The following CYSLTR1 variants were observed in gnomAD, a reference collection of about 807,000 sequenced individuals.
CYSLTR1 encodes the protein G-protein coupled receptor HG55.
A neutral mutation model predicts 2.1 loss-of-function variants in CYSLTR1; 1 was observed. The ratio of observed to expected loss-of-function variants is 0.48; its 90% CI spans 0.17 to 2.28. The LOEUF (loss-of-function observed/expected upper bound fraction) is 2.28. CYSLTR1 is among the 30% of genes most tolerant of loss of function. The pLI, the probability that CYSLTR1 is intolerant of heterozygous loss-of-function variation, is 0.26. For synonymous variants in CYSLTR1, 110 were observed against 89.6 expected (o/e 1.23, Z -1.28); for missense variants, 299 against 250.1 (o/e 1.20, Z -1.32).
At chrX:78,274,041 C>A (rs1010331318) in intron 2 of CYSLTR1, among the ~76,000 whole-genome samples, 1 of 111,089 alleles carries the variant, frequency 9.0e-6, no homozygotes, top group Non-Finnish European at 1.9e-5. Flanking sequence ...GGTGAAACAG[C>A]CCTCCTGTAT....
At chrX:78,315,452 C>T (rs1923379580) in intron 1 of CYSLTR1, among the ~76,000 whole-genome samples, 5 of 111,172 alleles carry the variant, frequency 4.5e-5, no homozygotes, top group Admixed American at 1.9e-4. Flanking sequence ...CAAATGACCT[C>T]GCAGGGTCCT....
intron 1 of CYSLTR1, among the ~76,000 whole-genome samples, chrX:78,295,833 C>T (rs1880359261): frequency 9.0e-6 from 1 of 110,875 alleles, no homozygotes; most frequent in South Asian, 3.8e-4. Context: ...ATATTTTCTC[C>T]CAATCTGTGG....
At chrX:78,320,632 T>C (rs1330776674) in intron 1 of CYSLTR1, 1 of 111,893 alleles carries the variant, frequency 8.9e-6, no homozygotes, top group Non-Finnish European at 1.9e-5. Flanking sequence ...AAGTAGTTGT[T>C]TCCAATTCTG....
intron 2 of CYSLTR1, among the ~76,000 whole-genome samples, chrX:78,274,383 A>C (rs1231739053): frequency 9.0e-6 from 1 of 111,278 alleles, no homozygotes; most frequent in Non-Finnish European, 1.9e-5. Flanking sequence ...AAACAGAGAT[A>C]TAGACCAATG....
At chrX:78,296,540 C>G (rs1206458271) in intron 1 of CYSLTR1, among the ~76,000 whole-genome samples, 1 of 111,543 alleles carries the variant, frequency 9.0e-6, no homozygotes, top group African/African-American at 3.3e-5. Flanking sequence ...AACGAAATAT[C>G]TTTCTATTTT....
At chrX:78,314,498 A>G (rs1188694677) in intron 1 of CYSLTR1, among the ~76,000 whole-genome samples, 2 of 111,519 alleles carry the variant, frequency 1.8e-5, no homozygotes, top group Non-Finnish European at 3.8e-5. Context: ...TTAATTTCAT[A>G]TTGCAGAAAG....
At chrX:78,275,122 CT>C (rs1329793535) in intron 2 of CYSLTR1, among the ~76,000 whole-genome samples, 2 of 112,087 alleles carry the variant, frequency 1.8e-5, no homozygotes, top group Admixed American at 9.5e-5. Flanking sequence ...CACTTTTGCA[CT>C]GTTGGTGGGA....
At chrX:78,318,099 A>T (rs1240810438) in intron 1 of CYSLTR1, among the ~76,000 whole-genome samples, 1 of 112,531 alleles carries the variant, frequency 8.9e-6, no homozygotes, top group Non-Finnish European at 1.9e-5. Flanking sequence ...TGTTCATTGC[A>T]GTACTATTCA....
intron 1 of CYSLTR1, among the ~76,000 whole-genome samples, chrX:78,284,155 CTTCAA>C (rs1921955790): frequency 9.0e-6 from 1 of 111,687 alleles, no homozygotes; most frequent in Non-Finnish European, 1.9e-5. Context: ...TATCTCTTCT[CTTCAA>C]TTAAATTATG....
At chrX:78,297,467 TC>T (rs1322515171) in intron 1 of CYSLTR1, among the ~76,000 whole-genome samples, 1 of 111,676 alleles carries the variant, frequency 9.0e-6, no homozygotes, top group Non-Finnish European at 1.9e-5. Context: ...TGGTATGAGT[TC>T]TTTAAATGTT....
Position 78,271,764 on chromosome X carries a change from A to G in CYSLTR1, c.*969T>C. On this transcript the variant is annotated 3_prime_UTR_variant, in exon 3 of 3. Coordinates refer to ENST00000373304, the MANE Select transcript of CYSLTR1 (RefSeq NM_006639.4). ...AGCAAAATCTCTTACATATAGTTGTATACATATACATAAATGTATGCACTT... is the reference window on the plus strand; with the variant it reads ...AGCAAAATCTCTTACATATAGTTGTGTACATATACATAAATGTATGCACTT... 1 of 112,588 alleles carries G rather than the reference A, an allele frequency of 8.9e-6. No individual in the cohort carries two copies. Among genetic ancestry groups the G allele is most frequent in the Non-Finnish European group, 1.9e-5 (1 of 53,353 alleles). The allele number at this position is 112,588 out of a possible 1,213,427, so 9.3% of individuals were successfully genotyped here. A position where few individuals can be genotyped will look rare whatever the true frequency, so the allele number is the denominator to read the frequency against.
intron 2 of CYSLTR1, among the ~76,000 whole-genome samples, chrX:78,274,140 T>C (rs1921457033): frequency 9.0e-6 from 1 of 111,550 alleles, no homozygotes; most frequent in African/African-American, 3.3e-5. Flanking sequence ...AAGAAGCAGT[T>C]TCACATGTAT....
intron 1 of CYSLTR1, among the ~76,000 whole-genome samples, chrX:78,310,281 C>G (rs1159876511): frequency 8.9e-6 from 1 of 111,766 alleles, no homozygotes; most frequent in Non-Finnish European, 1.9e-5. Context: ...CTATGAATAG[C>G]TCCATCTCTC....
chrX:78,323,566 A>T (rs1251026029), intron 1 of CYSLTR1, among the ~76,000 whole-genome samples: 1 of 112,064 alleles, frequency 8.9e-6, no homozygotes, highest in Non-Finnish European at 1.9e-5. Context: ...AGCTTGGTGA[A>T]TCCATGACAA....
At chrX:78,285,654 A>C (rs900708859) in intron 1 of CYSLTR1, among the ~76,000 whole-genome samples, 1 of 112,139 alleles carries the variant, frequency 8.9e-6, no homozygotes, top group South Asian at 3.7e-4. Flanking sequence ...GTGGCTGTGC[A>C]ATTACAATTT....
chrX:78,273,324 C>A lies in CYSLTR1; in HGVS notation c.423G>T (p.Arg141Ser). The change falls in exon 3 of 3, where the codon AGG becomes AGT. Residue 141 changes from arginine to serine, a missense_variant. Arg to Ser is a moderately radical substitution (Grantham distance 110). Coordinates refer to ENST00000373304, the MANE Select transcript of CYSLTR1 (RefSeq NM_006639.4). ...AAATCCAAATACCTACACACACAAACCTGGCTTTTTTCTGTGTAACCAAAT... is the reference window on the plus strand; with the variant it reads ...AAATCCAAATACCTACACACACAAAACTGGCTTTTTTCTGTGTAACCAAAT... Reference protein sequence around the residue: ...NINLVTQKKARFVCVGIWIFV... With the variant: ...NINLVTQKKASFVCVGIWIFV... 8.3e-7 allele frequency: 1 copy of A among 1,211,011 alleles called. No individual in the cohort carries two copies. The highest frequency in any genetic ancestry group is 1.1e-6 in the Non-Finnish European group (1 of 895,235).
intron 2 of CYSLTR1, among the ~76,000 whole-genome samples, chrX:78,279,969 G>A (rs1158121044): frequency 9.0e-6 from 1 of 110,894 alleles, no homozygotes; most frequent in African/African-American, 3.3e-5. Flanking sequence ...GAAGGGAGAG[G>A]ATTGTGGGCT....
At chrX:78,293,643 A>G (rs1368470993) in intron 1 of CYSLTR1, among the ~76,000 whole-genome samples, 1 of 111,665 alleles carries the variant, frequency 9.0e-6, no homozygotes, top group Non-Finnish European at 1.9e-5. Context: ...GCCTTTCCAC[A>G]TAGTCCCATA....
chrX:78,277,306 C>G (rs1921633774), intron 2 of CYSLTR1, among the ~76,000 whole-genome samples: 1 of 111,356 alleles, frequency 9.0e-6, no homozygotes, highest in Non-Finnish European at 1.9e-5. Flanking sequence ...GCTTGCAGCA[C>G]AGCCTCAGCT....
Sources: gnomAD v4.1 joint callset for allele counts (sites outside exome capture counted in the v4.1 genomes callset) on GRCh38, gnomAD v4.1.1 for gene constraint, MANE v1.5 for transcripts, NCBI Gene and HGNC (gene_info 2026-07-23, HGNC 2026-07-21) for gene names.